NUGGC: variants seen among roughly 807,000 people sequenced by gnomAD.
NUGGC encodes nuclear GTPase SLIP-GC.
A neutral mutation model predicts 92.6 loss-of-function variants in NUGGC; 58 were observed. That is an observed-to-expected ratio of 0.63 (90% confidence interval 0.51 to 0.78). The LOEUF (loss-of-function observed/expected upper bound fraction) is 0.78. NUGGC is among the 30% of genes least tolerant of loss of function. The probability of loss-of-function intolerance (pLI) is 0.00; values close to 1 mark genes in which losing one functional copy is unlikely to be tolerated. For missense variants in NUGGC, 925 were observed against 964.6 expected (o/e 0.96, Z 0.54); for synonymous variants, 376 against 366.4 (o/e 1.03, Z -0.30).
At chr8:28,046,377 C>CT (rs1809834241) in intron 11 of NUGGC, among the ~76,000 whole-genome samples, 1 of 152,172 alleles carries the variant, frequency 6.6e-6, no homozygotes, top group Non-Finnish European at 1.5e-5. Flanking sequence ...ATATCAAGTT[C>CT]AGATGAGAAT....
chr8:28,067,018 A>G (rs958920230), intron 6 of NUGGC, among the ~76,000 whole-genome samples: 1 of 152,156 alleles, frequency 6.6e-6, no homozygotes, highest in Non-Finnish European at 1.5e-5. Context: ...GCTGATGCCA[A>G]CCTTTTCTCC....
Position 28,082,034 on chromosome 8 carries a change from G to C in NUGGC, c.-47+1741C>G, listed in dbSNP as rs1231863305. 2.0e-5 allele frequency among the ~76,000 whole-genome samples: 3 copies of C among 152,200 alleles called. No individual in the cohort carries two copies. The East Asian group carries it at 5.8e-4, about 29-fold the overall frequency. ...TCCTTTCTCTTTGAGTTTGGGTTTA[G>C]GTTTAAGTAACTTTGGTGTTGGCAA... is the stretch of plus-strand genomic sequence containing the variant. On this transcript the variant is annotated intron_variant, in intron 1 of 18. Transcript: ENST00000413272.
chr8:28,026,762 T>TCA (rs1563212386), intron 18 of NUGGC, among the ~76,000 whole-genome samples, 200 bp downstream of exon 18: 25 of 150,760 alleles, frequency 1.7e-4, no homozygotes, highest in African/African-American at 4.9e-4. Flanking sequence ...GGCTGTTGTT[T>TCA]TCATCATCAT....
At chr8:28,044,456 C>T (rs1362181902) in intron 12 of NUGGC, among the ~76,000 whole-genome samples, 2 of 152,086 alleles carry the variant, frequency 1.3e-5, no homozygotes, top group African/African-American at 4.8e-5. Context: ...GGAAAGGCTT[C>T]GGGGTGCCCT....
At chr8:28,051,961 A>G (rs1195464624) in intron 10 of NUGGC, among the ~76,000 whole-genome samples, 2 of 152,058 alleles carry the variant, frequency 1.3e-5, no homozygotes, top group African/African-American at 4.8e-5. Flanking sequence ...AAAAAAAACC[A>G]AACTGGGTCA....
chr8:28,046,579 T>C (rs1286727160), intron 11 of NUGGC, among the ~76,000 whole-genome samples: 2 of 152,182 alleles, frequency 1.3e-5, no homozygotes, highest in Admixed American at 1.3e-4. Flanking sequence ...AGCCATGCCT[T>C]ATGCTTTCAC....
chr8:28,069,736 C>T (rs766424459), intron 3 of NUGGC, 84 bp from the exon 4 acceptor site: 14 of 791,968 alleles, frequency 1.8e-5, no homozygotes, highest in Non-Finnish European at 2.5e-5. Flanking sequence ...TGTTGAACAT[C>T]GCAGAGAAGG....
At chr8:28,069,352 A>G (rs942253007) in intron 4 of NUGGC, among the ~76,000 whole-genome samples, 192 bp downstream of exon 4, 1 of 152,218 alleles carries the variant, frequency 6.6e-6, no homozygotes, top group Non-Finnish European at 1.5e-5. Context: ...TTTGACATAT[A>G]TAAAGCACTT....
intron 1 of NUGGC, among the ~76,000 whole-genome samples, chr8:28,082,054 T>C (rs1449474168): frequency 6.6e-6 from 1 of 152,222 alleles, no homozygotes; most frequent in Admixed American, 6.5e-5. Context: ...ACTTTGGTGT[T>C]GGCAACATTT....
chr8:28,048,399 T>C (rs1022127047), intron 10 of NUGGC, among the ~76,000 whole-genome samples: 3 of 151,330 alleles, frequency 2.0e-5, no homozygotes, highest in Non-Finnish European at 4.4e-5. Flanking sequence ...ATCAGCCTTT[T>C]GGGTTTTTTG....
chr8:28,067,665 C>G lies in NUGGC; in HGVS notation c.560G>C (p.Trp187Ser), dbSNP rs1311576789. The change falls in exon 6 of 19, where the codon TGG becomes TCG. Residue 187 changes from tryptophan (W) to serine (S), a missense_variant. Trp to Ser is a radical substitution (Grantham distance 177, BLOSUM62 -3). Coordinates refer to ENST00000413272, the MANE Select transcript of NUGGC (RefSeq NM_001010906.2). The part of the protein sequence containing the change: ...EELSREEADA[W>S]NRDEAVEEAT... ...TTCCTCCACTGCCTCATCCCTGTTCCACGCATCTGCCTCTTCTCTGCTCAG... is the reference window on the plus strand; with the variant it reads ...TTCCTCCACTGCCTCATCCCTGTTCGACGCATCTGCCTCTTCTCTGCTCAG... The G allele has an allele frequency of 6.2e-7, 1 of 1,613,908 alleles. No homozygotes were observed. The highest frequency in any genetic ancestry group is 8.5e-7 in the Non-Finnish European group (1 of 1,179,864).
intron 15 of NUGGC, 52 bp from the exon 16 acceptor site, chr8:28,030,470 C>T: frequency 2.1e-6 from 2 of 959,346 alleles, no homozygotes; most frequent in Non-Finnish European, 3.3e-6. Context: ...TCAATGGAAG[C>T]AGGTCAGGTG....
chr8:28,032,264 G>A (rs1809437791), intron 14 of NUGGC, among the ~76,000 whole-genome samples: 1 of 152,200 alleles, frequency 6.6e-6, no homozygotes, highest in African/African-American at 2.4e-5. Flanking sequence ...AAAGAAAGGT[G>A]GGGCAGGGAT....
chr8:28,058,536 C>T (rs1235436251), intron 8 of NUGGC, among the ~76,000 whole-genome samples: 1 of 152,190 alleles, frequency 6.6e-6, no homozygotes, highest in Non-Finnish European at 1.5e-5. Context: ...GTCAAAAATG[C>T]AGCCCTCTCA....
chr8:28,045,951 G>C (rs1210232538), intron 11 of NUGGC, among the ~76,000 whole-genome samples: 2 of 152,130 alleles, frequency 1.3e-5, no homozygotes, highest in Non-Finnish European at 2.9e-5. Context: ...TCTTTCCTTT[G>C]AACAGCTATC....
At chr8:28,079,932 T>TTCTG (rs1563235132) in intron 1 of NUGGC, among the ~76,000 whole-genome samples, 1 of 150,830 alleles carries the variant, frequency 6.6e-6, no homozygotes, top group East Asian at 2.0e-4. Context: ...TTCTTTGTTT[T>TTCTG]TTTGTTTGTT....
At chr8:28,032,723 GAA>G (rs61015850) in intron 14 of NUGGC, among the ~76,000 whole-genome samples, 153 of 87,786 alleles carry the variant, frequency 1.7e-3, no homozygotes, top group Non-Finnish European at 1.8e-3. Flanking sequence ...TCCATCTCAA[GAA>G]AAAAAAAAAA....
At chr8:28,064,374 G>T in intron 7 of NUGGC, 148 bp downstream of exon 7, 1 of 705,206 alleles carries the variant, frequency 1.4e-6, no homozygotes, top group South Asian at 1.9e-5. Flanking sequence ...ACCCTGCCAG[G>T]GCCTTGAGAC....
chr8:28,047,848 A>G (rs138937938), intron 10 of NUGGC, among the ~76,000 whole-genome samples: 81 of 152,354 alleles, frequency 5.3e-4, no homozygotes, highest in African/African-American at 1.9e-3. Flanking sequence ...GGGAGTTAAT[A>G]TCAATTCTAG....
Sources: allele counts gnomAD v4.1 joint callset (sites outside exome capture counted in the v4.1 genomes callset), GRCh38; gene constraint gnomAD v4.1.1; transcripts MANE v1.5; gene names NCBI Gene and HGNC (gene_info 2026-07-23, HGNC 2026-07-21).